Variants in DLGAP2 observed in about 807,000 individuals in gnomAD.
DLGAP2 encodes disks large-associated protein 2.
In DLGAP2, 26 loss-of-function variants were observed where a neutral mutation model predicts 100.3. The observed-to-expected ratio is 0.26, with a 90% CI of 0.19 to 0.36. The LOEUF (loss-of-function observed/expected upper bound fraction) is 0.36, where lower values mean the gene tolerates loss of function less well. Ranked by LOEUF, DLGAP2 falls within the 10% of genes least tolerant of loss-of-function variation. The pLI, the probability that DLGAP2 is intolerant of heterozygous loss-of-function variation, is 1.00. For synonymous variants in DLGAP2, 886 were observed against 630.1 expected, an observed-to-expected ratio of 1.41 and a Z score of -6.08; for missense variants, 1,858 against 1,453.2, an observed-to-expected ratio of 1.28 and a Z score of -4.53.
At chr8:924,027 G>C (rs1445748808) in intron 2 of DLGAP2, among the ~76,000 whole-genome samples, 1 of 152,192 alleles carries the variant, frequency 6.6e-6, no homozygotes, top group Non-Finnish European at 1.5e-5. Flanking sequence ...AGTTACTGAT[G>C]AATGTCACAT....
intron 2 of DLGAP2, among the ~76,000 whole-genome samples, chr8:1,148,958 G>A (rs1796651618): frequency 6.6e-6 from 1 of 152,122 alleles, no homozygotes; most frequent in African/African-American, 2.4e-5. Context: ...GTGTTCAGAT[G>A]TTTTAAATCT....
chr8:767,677 C>G (rs771989025), intron 1 of DLGAP2, among the ~76,000 whole-genome samples: 3 of 152,016 alleles, frequency 2.0e-5, no homozygotes, highest in Non-Finnish European at 4.4e-5. Context: ...GTTTAAGGTA[C>G]AAGGAGTTTG....
chr8:1,649,976 A>C (rs932831875), intron 8 of DLGAP2, among the ~76,000 whole-genome samples: 1 of 152,244 alleles, frequency 6.6e-6, no homozygotes, highest in African/African-American at 2.4e-5. Context: ...CTGAAAGATC[A>C]TGGTTGACAT....
intron 10 of DLGAP2, among the ~76,000 whole-genome samples, chr8:1,671,936 G>A (rs917744085): frequency 2.6e-5 from 4 of 152,254 alleles, no homozygotes; most frequent in African/African-American, 4.8e-5. Flanking sequence ...CCTCGGAGAC[G>A]TCCTCTGACC....
At chr8:964,812 T>C (rs1325950183) in intron 2 of DLGAP2, among the ~76,000 whole-genome samples, 1 of 152,210 alleles carries the variant, frequency 6.6e-6, no homozygotes, top group African/African-American at 2.4e-5. Flanking sequence ...CTGGAAGCCC[T>C]TCCAGCGCTG....
chr8:1,388,978 G>C (rs1796283005), intron 3 of DLGAP2, among the ~76,000 whole-genome samples: 2 of 143,836 alleles, frequency 1.4e-5, no homozygotes, highest in Non-Finnish European at 3.0e-5. Context: ...TGGATGAGGA[G>C]GCGCTGGTTC....
At chr8:1,586,388 T>G (rs1796120006) in intron 6 of DLGAP2, among the ~76,000 whole-genome samples, 1 of 152,248 alleles carries the variant, frequency 6.6e-6, no homozygotes, top group Non-Finnish European at 1.5e-5. Flanking sequence ...CAGAGCCAGC[T>G]GGACGGGGTG....
chr8:1,500,951 A>G (rs1459664937), intron 3 of DLGAP2, among the ~76,000 whole-genome samples: 3 of 152,206 alleles, frequency 2.0e-5, no homozygotes, highest in Non-Finnish European at 2.9e-5. Flanking sequence ...CCGGAAGGAA[A>G]GTCTTTCTCA....
intron 2 of DLGAP2, among the ~76,000 whole-genome samples, chr8:1,188,677 C>T (rs967026130): frequency 6.6e-6 from 1 of 152,112 alleles, no homozygotes; most frequent in African/African-American, 2.4e-5. Context: ...ACTCCGGGGG[C>T]AGGAAGAGAT....
At chr8:1,659,475 C>A (rs1219465735) in intron 8 of DLGAP2, among the ~76,000 whole-genome samples, 1 of 152,198 alleles carries the variant, frequency 6.6e-6, no homozygotes, top group Admixed American at 6.5e-5. Flanking sequence ...GTGTGGGAGT[C>A]TAAGTCTCTT....
At chr8:1,165,032 G>A (rs1274351522) in intron 2 of DLGAP2, among the ~76,000 whole-genome samples, 1 of 152,094 alleles carries the variant, frequency 6.6e-6, no homozygotes, top group Non-Finnish European at 1.5e-5. Context: ...TGGGTGTTGG[G>A]AGTCCGGGGT....
At chr8:1,585,573 G>A (rs761045108) in intron 6 of DLGAP2, among the ~76,000 whole-genome samples, 3 of 152,298 alleles carry the variant, frequency 2.0e-5, no homozygotes, top group African/African-American at 4.8e-5. Context: ...CACAGACCAC[G>A]TAAGCTTTTC....
intron 2 of DLGAP2, among the ~76,000 whole-genome samples, chr8:1,185,011 G>C (rs1359364995): frequency 2.6e-5 from 4 of 152,038 alleles, no homozygotes; most frequent in Non-Finnish European, 5.9e-5. Flanking sequence ...AGCTGTTGAA[G>C]GGTCTGACCC....
chr8:918,557 C>G (rs1798642862), intron 2 of DLGAP2, among the ~76,000 whole-genome samples: 1 of 152,222 alleles, frequency 6.6e-6, no homozygotes, highest in African/African-American at 2.4e-5. Flanking sequence ...CGATCCTGAA[C>G]AGGTGTACTT....
chr8:1,032,279 C>A (rs1048258881), intron 2 of DLGAP2, among the ~76,000 whole-genome samples: 1 of 152,186 alleles, frequency 6.6e-6, no homozygotes, highest in African/African-American at 2.4e-5. Flanking sequence ...AGGCAGTGGG[C>A]GGCCGGCGGG....
At chr8:1,633,132 A>AG in intron 8 of DLGAP2, 86 bp downstream of exon 8, 7 of 1,318,256 alleles carry the variant, frequency 5.3e-6, no homozygotes, top group African/African-American at 1.4e-5. Context: ...AGCACACAGC[A>AG]CCACAGTACA....
intron 3 of DLGAP2, among the ~76,000 whole-genome samples, chr8:1,338,475 T>C (rs1057264571): frequency 3.9e-5 from 6 of 152,196 alleles, no homozygotes; most frequent in Non-Finnish European, 5.9e-5. Context: ...TGCCTGGGTC[T>C]GGGGGCAGGA....
intron 2 of DLGAP2, among the ~76,000 whole-genome samples, chr8:1,218,636 T>C (rs1338696109): frequency 6.6e-6 from 1 of 152,202 alleles, no homozygotes; most frequent in Non-Finnish European, 1.5e-5. Context: ...TGTTTTAATA[T>C]ATATTTTAGA....
chr8:1,214,857 CTGT>C (rs778539974), intron 2 of DLGAP2, among the ~76,000 whole-genome samples: 4 of 152,354 alleles, frequency 2.6e-5, no homozygotes, highest in East Asian at 1.9e-4. Flanking sequence ...CCATCTGTTG[CTGT>C]TGTTGTGTTT....
Sources: gnomAD v4.1 joint callset for allele counts (sites outside exome capture counted in the v4.1 genomes callset) on GRCh38, gnomAD v4.1.1 for gene constraint, MANE v1.5 for transcripts, NCBI Gene and HGNC (gene_info 2026-07-23, HGNC 2026-07-21) for gene names.